The following RFPL1 variants were observed in gnomAD, a reference collection of about 807,000 sequenced individuals.
RFPL1 encodes ret finger protein-like 1.
Under a neutral mutation model 9.6 loss-of-function variants are expected in RFPL1, and 6 were observed. The ratio of observed to expected loss-of-function variants is 0.62; its 90% confidence interval spans 0.34 to 1.23. RFPL1 has a LOEUF of 1.23. Among genes scored for constraint, RFPL1 ranks in the 50% most tolerant of loss-of-function variants. RFPL1 has a pLI of 0.03. For missense variants in RFPL1, 352 were observed against 398.4 expected (o/e 0.88, Z 0.99); for synonymous variants, 145 against 149.4 (o/e 0.97, Z 0.22).
At chr22:29,438,957 G>A (rs1230716863) in exon 1 of RFPL1, 3 of 1,613,940 alleles carry the variant, frequency 1.9e-6, no homozygotes, top group African/African-American at 1.3e-5. Context: ...CCTGGAGTGT[G>A]GATGCGCTGT....
chr22:29,432,683 G>A, the RFPL1 span, among the ~76,000 whole-genome samples: 1 of 152,136 alleles, frequency 6.6e-6, no homozygotes, highest in South Asian at 2.1e-4. Flanking sequence ...CTGGACCGCT[G>A]GGCCTAGACC....
exon 2 of RFPL1, chr22:29,442,305 A>G (rs1453453605): frequency 2.2e-6 from 1 of 446,620 alleles, no homozygotes; most frequent in African/African-American, 2.0e-5. Context: ...AATTATTGCC[A>G]CCATCCAACT....
the RFPL1 span, among the ~76,000 whole-genome samples, chr22:29,423,835 A>C: frequency 6.6e-6 from 1 of 152,174 alleles, no homozygotes; most frequent in Non-Finnish European, 1.5e-5. Flanking sequence ...CAGTTCCCAA[A>C]TCTACCTGGC....
chr22:29,417,857 A>G, the RFPL1 span, among the ~76,000 whole-genome samples: 5 of 152,118 alleles, frequency 3.3e-5, no homozygotes, highest in Non-Finnish European at 7.4e-5. Context: ...TGATGGGAAC[A>G]GAGGCAAATG....
chr22:29,396,646 A>T, the RFPL1 span, among the ~76,000 whole-genome samples: 3 of 151,184 alleles, frequency 2.0e-5, no homozygotes, highest in East Asian at 1.9e-4. Context: ...TGTATTAATT[A>T]AAAAAAAATA....
At chr22:29,402,333 A>C in the RFPL1 span, among the ~76,000 whole-genome samples, 3 of 152,246 alleles carry the variant, frequency 2.0e-5, no homozygotes. Context: ...TCAAATGAGG[A>C]CAGTGGTTCT....
the RFPL1 span, among the ~76,000 whole-genome samples, chr22:29,418,481 A>G: frequency 6.8e-6 from 1 of 147,360 alleles, no homozygotes; most frequent in African/African-American, 2.5e-5. Flanking sequence ...CAGATTTCCC[A>G]TTCTTCTTCG....
At chr22:29,390,853 C>T in the RFPL1 span, among the ~76,000 whole-genome samples, 1 of 151,702 alleles carries the variant, frequency 6.6e-6, no homozygotes, top group African/African-American at 2.4e-5. Context: ...CCGCCTCAGC[C>T]TCCCAAAGTG....
At chr22:29,410,555 ATT>A in the RFPL1 span, among the ~76,000 whole-genome samples, 6 of 126,180 alleles carry the variant, frequency 4.8e-5, no homozygotes, top group East Asian at 2.4e-4. Context: ...AGAGATATAT[ATT>A]GTAGATATAT....
chr22:29,439,182 A>T lies in RFPL1; in HGVS notation c.373+18A>T. 1 of 1,607,410 alleles carries T rather than the reference A, an allele frequency of 6.2e-7. No homozygotes were observed. Among genetic ancestry groups the T allele is most frequent in the Non-Finnish European group, 8.5e-7 (1 of 1,176,156 alleles). On this transcript the variant is annotated intron_variant, in intron 1 of 1. Transcript: ENST00000354373. ...GTTCCAAGGTGAGGGATCTGTATAC[A>T]CTGCCCCCTTCCTACGACCAGACCA...
the RFPL1 span, among the ~76,000 whole-genome samples, chr22:29,426,526 A>C: frequency 3.3e-5 from 5 of 151,726 alleles, no homozygotes; most frequent in Non-Finnish European, 7.4e-5. Flanking sequence ...CCGAGGTGGG[A>C]GGATCGCCTG....
chr22:29,429,341 A>AT, the RFPL1 span, among the ~76,000 whole-genome samples: 4 of 152,212 alleles, frequency 2.6e-5, no homozygotes, highest in Admixed American at 2.6e-4. Flanking sequence ...GGCATGAGCC[A>AT]CTGTTCTCAG....
chr22:29,441,423 T>C, intron 1 of RFPL1, 119 bp from the exon 2 acceptor site: 3 of 1,251,444 alleles, frequency 2.4e-6, no homozygotes, highest in Non-Finnish European at 3.3e-6. Context: ...GTTTTGATTT[T>C]GGGGGAAGAA....
At chr22:29,442,149 A>G (rs779091613) in exon 2 of RFPL1, 45 of 1,495,258 alleles carry the variant, frequency 3.0e-5, no homozygotes, top group Admixed American at 6.8e-5. Context: ...AACAAAAAAC[A>G]GGTTAAGAAA....
exon 2 of RFPL1, chr22:29,441,569 C>G: frequency 6.3e-7 from 1 of 1,592,682 alleles, no homozygotes; most frequent in South Asian, 1.1e-5. Context: ...GCCGACACAG[C>G]CAACAACTTC....
At chr22:29,405,383 A>T in the RFPL1 span, among the ~76,000 whole-genome samples, 2 of 152,222 alleles carry the variant, frequency 1.3e-5, no homozygotes, top group Non-Finnish European at 2.9e-5. Flanking sequence ...ATCACCCAAA[A>T]TAGAGTGGAT....
exon 1 of RFPL1, chr22:29,438,678 T>C: frequency 6.5e-7 from 1 of 1,531,412 alleles, no homozygotes; most frequent in Non-Finnish European, 8.8e-7. Flanking sequence ...CGTGACTTTC[T>C]TTCCCAATAG....
chr22:29,406,167 A>C, the RFPL1 span, among the ~76,000 whole-genome samples: 1 of 142,948 alleles, frequency 7.0e-6, no homozygotes, highest in Non-Finnish European at 1.5e-5. Context: ...GAAATAACAC[A>C]TCTCTTTCAT....
the RFPL1 span, among the ~76,000 whole-genome samples, chr22:29,420,785 C>G: frequency 6.6e-6 from 1 of 151,760 alleles, no homozygotes; most frequent in Non-Finnish European, 1.5e-5. Context: ...GAACTACAGG[C>G]GGGCACCATC....
Sources: allele counts gnomAD v4.1 joint callset (sites outside exome capture counted in the v4.1 genomes callset), GRCh38; gene constraint gnomAD v4.1.1; transcripts MANE v1.5; gene names NCBI Gene and HGNC (gene_info 2026-07-23, HGNC 2026-07-21).